Variants in PLEKHA7 observed in about 807,000 individuals in gnomAD.
PLEKHA7 encodes pleckstrin homology domain containing A7.
A neutral mutation model predicts 170.0 loss-of-function variants in PLEKHA7; 104 were observed. That is an observed-to-expected ratio of 0.61 (90% confidence interval 0.52 to 0.72). The LOEUF is 0.72. Among genes scored for constraint, PLEKHA7 ranks in the 30% least tolerant of loss-of-function variants. The pLI is 0.00. For missense variants in PLEKHA7, 1,615 were observed against 1,671.7 expected (o/e 0.97, Z 0.59); for synonymous variants, 648 against 660.8 (o/e 0.98, Z 0.30).
In PLEKHA7 at chr11:16,816,638, G is replaced by A. The variant is rs546949212; in HGVS notation, c.1866+162C>T. ...CAGGGTTGTGGTGAGAATTTAAAGC[G>A]AAGCCCTTGGGAACTGTGCCTGGCA... is the stretch of plus-strand genomic sequence containing the variant. On this transcript the variant is annotated intron_variant, in intron 11 of 26. Transcript: ENST00000531066. 9.2e-5 allele frequency among the ~76,000 whole-genome samples: 14 copies of A among 152,288 alleles called. No individual in the cohort carries two copies. In the South Asian group the frequency reaches 2.3e-3, roughly 25 times the overall value.
chr11:16,998,289 C>T (rs563875234), intron 3 of PLEKHA7, among the ~76,000 whole-genome samples: 3 of 152,084 alleles, frequency 2.0e-5, no homozygotes, highest in African/African-American at 4.8e-5. Context: ...AAACCCAACA[C>T]GAACCTTCAG....
At position 16,986,587 on chromosome 11, in the gene PLEKHA7, C is replaced by T. The variant is rs1590790459; in HGVS notation, c.221+27402G>A. On this transcript the variant is annotated intron_variant, in intron 3 of 26. Coordinates refer to ENST00000531066, the MANE Select transcript of PLEKHA7 (RefSeq NM_001329630.2). ...CAGGGGAGAGAAACCATAAAAATTG[C>T]TCACTATTTATTTCACTTTCACTTT... 2.0e-5 allele frequency among the ~76,000 whole-genome samples: 3 copies of T among 152,254 alleles called. No individual in the cohort carries two copies. In the South Asian group the frequency reaches 6.2e-4, roughly 32 times the overall value.
intron 3 of PLEKHA7, among the ~76,000 whole-genome samples, chr11:16,877,191 G>T (rs537769246): frequency 2.0e-5 from 3 of 152,132 alleles, no homozygotes; most frequent in Non-Finnish European, 4.4e-5. Flanking sequence ...CTGTAAAAGC[G>T]TTACCCTGCA....
chr11:16,988,860 A>G (rs1160203951), intron 3 of PLEKHA7, among the ~76,000 whole-genome samples: 1 of 152,220 alleles, frequency 6.6e-6, no homozygotes, highest in Non-Finnish European at 1.5e-5. Context: ...TTCACAGAGG[A>G]TGAGACTCTT....
chr11:16,837,030 G>A (rs1490318695), intron 9 of PLEKHA7, among the ~76,000 whole-genome samples: 7 of 152,038 alleles, frequency 4.6e-5, no homozygotes, highest in Non-Finnish European at 1.0e-4. Flanking sequence ...CACCACGTTG[G>A]CCAGGCTGGT....
chr11:16,832,705 C>T (rs1657610410), intron 9 of PLEKHA7, among the ~76,000 whole-genome samples: 1 of 152,142 alleles, frequency 6.6e-6, no homozygotes, highest in African/African-American at 2.4e-5. Context: ...TCCAACACAG[C>T]CTTTCTGTTG....
At chr11:16,994,145 G>A (rs2136978631) in intron 3 of PLEKHA7, among the ~76,000 whole-genome samples, 1 of 152,312 alleles carries the variant, frequency 6.6e-6, no homozygotes, top group Admixed American at 6.5e-5. Flanking sequence ...AGGCCTGGAA[G>A]TCAGTCTTTC....
At chr11:16,852,405 C>T (rs1414257329) in intron 6 of PLEKHA7, 50 bp from the exon 7 acceptor site, 1 of 1,546,878 alleles carries the variant, frequency 6.5e-7, no homozygotes, top group Non-Finnish European at 8.9e-7. Flanking sequence ...ATACTGTTGT[C>T]CCTTTCCAAG....
chr11:16,979,525 A>T (rs1365180371), intron 3 of PLEKHA7, among the ~76,000 whole-genome samples: 1 of 152,146 alleles, frequency 6.6e-6, no homozygotes, highest in Non-Finnish European at 1.5e-5. Flanking sequence ...CCTGAATATT[A>T]AACCCAATAA....
chr11:16,788,556 C>T lies in PLEKHA7; in HGVS notation c.3357+540G>A, dbSNP rs147432186. On this transcript the variant is annotated intron_variant, in intron 23 of 26. Coordinates refer to ENST00000531066, the MANE Select transcript of PLEKHA7 (RefSeq NM_001329630.2). The stretch of plus-strand genomic sequence containing the variant: ...GTGGACAGGGCGCAGCGCCAGGAAG[C>T]GCCACCAGGGGGCAGCACAGGCCTC... The T allele has an allele frequency of 6.0e-3, 941 of 156,114 alleles. 19 individuals carry two copies. Among genetic ancestry groups the T allele is most frequent in the Non-Finnish European group, 6.2e-3 (437 of 70,518 alleles). 9.7% of individuals were successfully genotyped at this position (156,114 alleles called of 1,614,324 possible). A position where few individuals can be genotyped will look rare whatever the true frequency, so the allele number is the denominator to read the frequency against.
intron 13 of PLEKHA7, 129 bp from the exon 14 acceptor site, chr11:16,803,424 G>C: frequency 2.1e-6 from 2 of 946,704 alleles, no homozygotes; most frequent in Non-Finnish European, 1.6e-6. Context: ...TAGTATGAGA[G>C]GGACAAAAAC....
chr11:16,786,716 A>G, intron 23 of PLEKHA7: 1 of 985,430 alleles, frequency 1.0e-6, no homozygotes, highest in Non-Finnish European at 1.2e-6. Flanking sequence ...ACAGAGTTCT[A>G]GAGAAGGGAT....
At chr11:16,783,593 G>T in intron 25 of PLEKHA7, 107 bp downstream of exon 25, 1 of 1,234,526 alleles carries the variant, frequency 8.1e-7, no homozygotes. Context: ...CTGAGACGAA[G>T]ACCTGGCAAA....
intron 3 of PLEKHA7, chr11:17,012,964 A>G (rs1310761642): frequency 6.6e-6 from 1 of 152,108 alleles, no homozygotes; most frequent in Non-Finnish European, 1.5e-5. Flanking sequence ...AGGCTGCTTT[A>G]TTCCTAACAG....
chr11:16,860,728 G>C (rs1853876478), intron 4 of PLEKHA7, among the ~76,000 whole-genome samples: 1 of 152,150 alleles, frequency 6.6e-6, no homozygotes, highest in Non-Finnish European at 1.5e-5. Flanking sequence ...CAGGTCCCAA[G>C]GTCTGAGAGA....
At chr11:17,001,646 T>C (rs566653704) in intron 3 of PLEKHA7, among the ~76,000 whole-genome samples, 1 of 151,938 alleles carries the variant, frequency 6.6e-6, no homozygotes. Flanking sequence ...GAGTGTGATG[T>C]AGGAAGTCAC....
rs374105472 is a variant in PLEKHA7 at position 16,995,275 on chromosome 11, A to G, written c.221+18714T>C. On this transcript the variant is annotated intron_variant, in intron 3 of 26. Coordinates refer to ENST00000531066, the MANE Select transcript of PLEKHA7 (RefSeq NM_001329630.2). ...GAGCACTGGGCCACTCTGGCTTTCA[A>G]TGCTCTTTTCTCTACTCTGCTTCAC... 1.2e-3 allele frequency among the ~76,000 whole-genome samples: 176 copies of G among 152,192 alleles called. 1 individual carries two copies. Among genetic ancestry groups the G allele is most frequent in the African/African-American group, 4.0e-3 (168 of 41,534 alleles).
chr11:16,958,555 T>C (rs1861849845), intron 3 of PLEKHA7, among the ~76,000 whole-genome samples: 1 of 152,150 alleles, frequency 6.6e-6, no homozygotes, highest in Non-Finnish European at 1.5e-5. Flanking sequence ...ATTAGTATAG[T>C]TTTTACTTTC....
chr11:16,800,858 G>A, intron 17 of PLEKHA7, 116 bp downstream of exon 17: 1 of 845,292 alleles, frequency 1.2e-6, no homozygotes, highest in Non-Finnish European at 1.9e-6. Flanking sequence ...CTGGGGCTGA[G>A]GGGGAGAAGG....
Sources: gnomAD v4.1 joint callset for allele counts (sites outside exome capture counted in the v4.1 genomes callset) on GRCh38, gnomAD v4.1.1 for gene constraint, MANE v1.5 for transcripts, NCBI Gene and HGNC (gene_info 2026-07-23, HGNC 2026-07-21) for gene names.